The following BACH2 variants were observed in gnomAD, a reference collection of about 807,000 sequenced individuals.
BACH2 encodes the protein BACH transcriptional regulator 2.
In BACH2, 5 loss-of-function variants were observed where a neutral mutation model predicts 61.8. That is an observed-to-expected ratio of 0.08 (90% confidence interval 0.04 to 0.17). The LOEUF is 0.17. Ranked by LOEUF, BACH2 falls within the 10% of genes least tolerant of loss-of-function variation. BACH2 has a pLI of 1.00. For missense variants in BACH2, 824 were observed against 1,091.1 expected (o/e 0.76, Z 3.45); for synonymous variants, 446 against 440.1 (o/e 1.01, Z -0.17).
intron 5 of BACH2, among the ~76,000 whole-genome samples, chr6:90,058,301 A>G (rs1780482139): frequency 6.6e-6 from 1 of 152,214 alleles, no homozygotes; most frequent in Non-Finnish European, 1.5e-5. Flanking sequence ...CAATGTACAA[A>G]ATCCACAAGC....
At chr6:90,270,909 C>T (rs979543619) in intron 2 of BACH2, among the ~76,000 whole-genome samples, 3 of 151,696 alleles carry the variant, frequency 2.0e-5, no homozygotes, top group South Asian at 4.2e-4. Context: ...ACAGAGAATC[C>T]GGAAATAAAG....
chr6:90,249,522 G>A (rs1328764153), intron 3 of BACH2, among the ~76,000 whole-genome samples: 1 of 152,174 alleles, frequency 6.6e-6, no homozygotes, highest in Non-Finnish European at 1.5e-5. Flanking sequence ...TGTAATGCCA[G>A]CACTTTGGGA....
intron 4 of BACH2, among the ~76,000 whole-genome samples, chr6:90,136,118 G>C (rs902294796): frequency 1.3e-5 from 2 of 152,196 alleles, no homozygotes; most frequent in Non-Finnish European, 2.9e-5. Flanking sequence ...TCCTTCCTGT[G>C]ATCAGTCAGT....
intron 4 of BACH2, among the ~76,000 whole-genome samples, chr6:90,123,527 T>C (rs2127820589): frequency 6.6e-6 from 1 of 151,892 alleles, no homozygotes; most frequent in East Asian, 1.9e-4. Flanking sequence ...TCCCAGCACT[T>C]TGGGAGGCCG....
At chr6:90,084,206 G>A (rs1781835054) in intron 5 of BACH2, among the ~76,000 whole-genome samples, 1 of 152,042 alleles carries the variant, frequency 6.6e-6, no homozygotes, top group South Asian at 2.1e-4. Context: ...TTCAATGTCT[G>A]GAACCAGGCA....
chr6:90,023,815 CCCTTA>C (rs1470106187), intron 5 of BACH2, among the ~76,000 whole-genome samples: 3 of 152,154 alleles, frequency 2.0e-5, no homozygotes, highest in African/African-American at 7.2e-5. Flanking sequence ...TGGAAGACAG[CCCTTA>C]CCAAGAACTG....
At chr6:90,269,638 G>A (rs1038892740) in intron 2 of BACH2, among the ~76,000 whole-genome samples, 2 of 152,164 alleles carry the variant, frequency 1.3e-5, no homozygotes, top group African/African-American at 4.8e-5. Context: ...TTTCTGAGAA[G>A]TCAGAGAAAA....
In BACH2 at chr6:89,951,517, T is replaced by C; in HGVS notation, c.589A>G (p.Ile197Val). The stretch of plus-strand genomic sequence containing the variant: ...GCTTCTTCCTTCTCTGCTACGGGGA[T>C]GGCGGCGGCCTCAAAGCTGATGGGC... ...PEPISFEAAA[I>V]PVAEKEEALL... Residue 197 changes from isoleucine (I) to valine (V), a missense_variant, in exon 7 of 9, where the codon ATC becomes GTC. Transcript: ENST00000257749. This position sits in a 1 kb window ranked among gnomAD's most constrained non-coding sequence, Gnocchi z 6.4. 6.2e-7 allele frequency: 1 copy of C among 1,614,240 alleles called. No homozygotes were observed. The highest frequency in any genetic ancestry group is 1.6e-4 in the Middle Eastern group (1 of 6,062).
In BACH2 at chr6:89,931,714, A is replaced by G. The variant is rs1008317396; in HGVS notation, c.*694T>C. 1.3e-5 allele frequency: 2 copies of G among 152,642 alleles called. No individual in the cohort carries two copies. Among genetic ancestry groups the G allele is most frequent in the Non-Finnish European group, 2.9e-5 (2 of 68,018 alleles). 9.5% of individuals were successfully genotyped at this position (152,642 alleles called of 1,614,324 possible). A position where few individuals can be genotyped will look rare whatever the true frequency, so the allele number is the denominator to read the frequency against. ...ACCAAACGAAAAAGAAATCTGAAAT[A>G]AAACCTTGGGAAAAAGCTTCCAACA... On this transcript the variant is annotated 3_prime_UTR_variant, in exon 9 of 9. Transcript: ENST00000257749.
chr6:90,203,391 CAAAAAAAAAAAAAAAA>C (rs34539345), intron 4 of BACH2, among the ~76,000 whole-genome samples: 1 of 59,790 alleles, frequency 1.7e-5, no homozygotes, highest in South Asian at 8.5e-4. Context: ...TCTCTCTCTC[CAAAAAAAAAAAAAAAA>C]AAAAAAAAAG....
intron 3 of BACH2, among the ~76,000 whole-genome samples, chr6:90,231,972 TGAGA>T (rs952310643): frequency 6.6e-5 from 10 of 151,796 alleles, no homozygotes; most frequent in African/African-American, 2.2e-4. Context: ...ATATTTGGTC[TGAGA>T]GAGAGAGACA....
At chr6:89,947,036 C>G (rs1773768222) in intron 7 of BACH2, among the ~76,000 whole-genome samples, 1 of 152,090 alleles carries the variant, frequency 6.6e-6, no homozygotes, top group Admixed American at 6.6e-5. Context: ...CGTTTTGGCT[C>G]CCTACGGGGT....
Position 90,008,318 on chromosome 6 carries a change from A to C in BACH2, c.243+284T>G, listed in dbSNP as rs1347057799. On this transcript the variant is annotated intron_variant, in intron 6 of 8. Transcript: ENST00000257749. The surrounding 1 kb of genome is among the most constrained non-coding windows in gnomAD (Gnocchi z 4.1). ...CCACATCTAGGACTGTGCCAAACTT[A>C]GGCTGAACCACTCAAAACCTGAAGG... The C allele has an allele frequency of 4.1e-6, 2 of 482,450 alleles. No individual in the cohort carries two copies. The highest frequency in any genetic ancestry group is 1.9e-5 in the African/African-American group (1 of 51,294). The allele number at this position is 482,450 out of a possible 1,614,324, so 29.9% of individuals were successfully genotyped here.
chr6:90,189,091 T>A (rs1036214397), intron 4 of BACH2, among the ~76,000 whole-genome samples: 1 of 152,192 alleles, frequency 6.6e-6, no homozygotes, highest in Non-Finnish European at 1.5e-5. Context: ...GAAATTTATA[T>A]TGTATATTTA....
chr6:90,263,574 T>C (rs979189153), intron 2 of BACH2, among the ~76,000 whole-genome samples: 5 of 152,222 alleles, frequency 3.3e-5, no homozygotes, highest in African/African-American at 1.2e-4. Flanking sequence ...CTACATGCCA[T>C]CCACTTAACT....
intron 5 of BACH2, among the ~76,000 whole-genome samples, chr6:90,023,241 T>C (rs538722043): frequency 6.6e-6 from 1 of 152,332 alleles, no homozygotes; most frequent in Admixed American, 6.5e-5. Context: ...CATGTTCAAT[T>C]GTAATCCCCG....
chr6:90,210,312 A>C (rs1016927816), intron 3 of BACH2, among the ~76,000 whole-genome samples: 3 of 147,250 alleles, frequency 2.0e-5, no homozygotes, highest in South Asian at 2.2e-4. Context: ...ACCCCAAAAC[A>C]ACACACACAC....
At chr6:90,021,376 T>G (rs1778367432) in intron 5 of BACH2, among the ~76,000 whole-genome samples, 1 of 150,948 alleles carries the variant, frequency 6.6e-6, no homozygotes, top group South Asian at 2.1e-4. Flanking sequence ...AGTAGAATGT[T>G]AAGATTTTCA....
chr6:90,042,126 A>G (rs974479532), intron 5 of BACH2, among the ~76,000 whole-genome samples: 65 of 152,224 alleles, frequency 4.3e-4, no homozygotes, highest in African/African-American at 1.5e-3. Flanking sequence ...GATCATTTAA[A>G]AAGATGTTAG....
Sources: gnomAD v4.1 joint callset for allele counts (sites outside exome capture counted in the v4.1 genomes callset) on GRCh38, gnomAD v4.1.1 for gene constraint, Gnocchi (gnomAD v3.1) non-coding constraint, MANE v1.5 for transcripts, NCBI Gene and HGNC (gene_info 2026-07-23, HGNC 2026-07-21) for gene names.